ST7L: variants seen among roughly 807,000 people sequenced by gnomAD.
The protein encoded by ST7L is suppression of tumorigenicity 7 like, also known as suppressor of tumorigenicity 7 protein-like.
Under a neutral mutation model 72.5 loss-of-function variants are expected in ST7L, and 57 were observed. The observed-to-expected ratio is 0.79, with a 90% CI of 0.64 to 0.98. The LOEUF is 0.98. Ranked by LOEUF, ST7L falls within the 50% of genes least tolerant of loss-of-function variation. The pLI is 0.00. For missense variants in ST7L, 576 were observed against 672.2 expected, an observed-to-expected ratio of 0.86 and a Z score of 1.58; for synonymous variants, 221 against 240.9, an observed-to-expected ratio of 0.92 and a Z score of 0.77.
At chr1:112,587,466 G>A (rs1665033354) in intron 6 of ST7L, among the ~76,000 whole-genome samples, 1 of 152,170 alleles carries the variant, frequency 6.6e-6, no homozygotes, top group African/African-American at 2.4e-5. Flanking sequence ...AGCCGGGTAT[G>A]GTGGCACGTG....
rs1211284071 is a variant in ST7L at position 112,524,257 on chromosome 1, T to G, written c.*1756A>C. 4 of 152,556 alleles carry G rather than the reference T, an allele frequency of 2.6e-5. No individual in the cohort carries two copies. The highest frequency in any genetic ancestry group is 4.4e-5 in the Non-Finnish European group (3 of 68,024). The allele number at this position is 152,556 out of a possible 1,614,324, so 9.5% of individuals were successfully genotyped here. ...ACAGAAGAGAGATAATTAGGATTTT[T>G]TTTTCCTCAGTCTTTCTGAGGTTTT... is the stretch of plus-strand genomic sequence containing the variant. On this transcript the variant is annotated 3_prime_UTR_variant, in exon 15 of 15. Coordinates refer to ENST00000358039, the MANE Select transcript of ST7L (RefSeq NM_017744.5).
chr1:112,565,401 C>A (rs116313297), intron 11 of ST7L, among the ~76,000 whole-genome samples: 3,042 of 151,888 alleles, frequency 0.02, 105 homozygotes, highest in African/African-American at 0.069. Flanking sequence ...CTACAGATAG[C>A]GAATTTCTAA....
chr1:112,595,017 A>C (rs1271657393), intron 5 of ST7L, among the ~76,000 whole-genome samples: 1 of 152,180 alleles, frequency 6.6e-6, no homozygotes, highest in Non-Finnish European at 1.5e-5. Context: ...TTATATAGGA[A>C]TGCAAAACAG....
intron 11 of ST7L, among the ~76,000 whole-genome samples, 158 bp downstream of exon 11, chr1:112,576,828 T>C (rs1663172670): frequency 6.6e-6 from 1 of 152,216 alleles, no homozygotes; most frequent in Admixed American, 6.5e-5. Flanking sequence ...AATGCCTAAA[T>C]GTTTCAACGT....
At position 112,586,841 on chromosome 1, in the gene ST7L, G is replaced by A. The variant is rs1219551763; in HGVS notation, c.702-2715C>T. Among the ~76,000 whole-genome samples the A allele has an allele frequency of 2.0e-5, 3 of 152,114 alleles. No homozygotes were observed. The East Asian group carries it at 5.8e-4, about 29-fold the overall frequency. On this transcript the variant is annotated intron_variant, in intron 6 of 14. Coordinates refer to ENST00000358039, the MANE Select transcript of ST7L (RefSeq NM_017744.5). ...TTCAATAATTTTTAATATATTCACA[G>A]AGTTGTGCAACCATCGCCACAATGT... is the stretch of plus-strand genomic sequence containing the variant.
chr1:112,562,214 C>A (rs1339669386), intron 11 of ST7L, among the ~76,000 whole-genome samples: 1 of 151,932 alleles, frequency 6.6e-6, no homozygotes, highest in Non-Finnish European at 1.5e-5. Flanking sequence ...GTGATCCTCT[C>A]ACCTTGGCCT....
chr1:112,598,147 C>T (rs1334988384), intron 4 of ST7L, 61 bp from the exon 5 acceptor site: 4 of 1,195,194 alleles, frequency 3.3e-6, no homozygotes, highest in Non-Finnish European at 4.8e-6. Flanking sequence ...TCTGCTATAA[C>T]AGACACTACT....
chr1:112,520,499 A>G (rs1570804350), downstream of ST7L: 1 of 1,613,970 alleles, frequency 6.2e-7, no homozygotes, highest in Non-Finnish European at 8.5e-7. Flanking sequence ...GAGTGGCTGG[A>G]CCAAACCTGA....
At chr1:112,526,315 T>C in intron 14 of ST7L, 2 of 517,548 alleles carry the variant, frequency 3.9e-6, no homozygotes, top group Non-Finnish European at 6.5e-6. Context: ...TAAACAACTC[T>C]GGCTCCTAAT....
chr1:112,542,609 G>A (rs1656304196), intron 13 of ST7L, among the ~76,000 whole-genome samples: 1 of 151,964 alleles, frequency 6.6e-6, no homozygotes, highest in Admixed American at 6.6e-5. Flanking sequence ...TTAAAAATTA[G>A]CCCAGCATGG....
intron 3 of ST7L, among the ~76,000 whole-genome samples, chr1:112,605,657 T>C (rs1668127333): frequency 6.6e-6 from 1 of 151,830 alleles, no homozygotes; most frequent in Non-Finnish European, 1.5e-5. Flanking sequence ...GCCACTGCAC[T>C]CCAGCCTGGG....
chr1:112,542,511 G>A (rs182211103), intron 13 of ST7L, among the ~76,000 whole-genome samples: 28 of 152,236 alleles, frequency 1.8e-4, no homozygotes, highest in South Asian at 8.3e-4. Flanking sequence ...TAATCCCAGC[G>A]CTTTGGGGGG....
At chr1:112,573,441 C>T (rs979232636) in intron 11 of ST7L, among the ~76,000 whole-genome samples, 4 of 150,802 alleles carry the variant, frequency 2.7e-5, no homozygotes, top group Admixed American at 2.0e-4. Flanking sequence ...TTATGAATAC[C>T]TTATGTCAAT....
intron 11 of ST7L, among the ~76,000 whole-genome samples, chr1:112,562,924 T>C (rs1459118930): frequency 3.3e-5 from 5 of 152,130 alleles, no homozygotes; most frequent in Non-Finnish European, 5.9e-5. Context: ...AGATTCTTTC[T>C]ATGTCTATCT....
chr1:112,519,872 C>CTTCTTTTTTTTT (rs10634267), downstream of ST7L, among the ~76,000 whole-genome samples: 55 of 115,624 alleles, frequency 4.8e-4, 2 homozygotes, highest in East Asian at 1.1e-3. Context: ...GCCCATGCTT[C>CTTCTTTTTTTTT]TTTTTTTTTT....
intron 2 of ST7L, among the ~76,000 whole-genome samples, chr1:112,612,373 T>TG (rs1558061751): frequency 6.6e-6 from 1 of 152,186 alleles, no homozygotes; most frequent in South Asian, 2.1e-4. Context: ...GCTAGGATTA[T>TG]GGGTGTAAGC....
At chr1:112,550,247 G>A (rs1416537651) in intron 13 of ST7L, among the ~76,000 whole-genome samples, 1 of 152,024 alleles carries the variant, frequency 6.6e-6, no homozygotes, top group Admixed American at 6.6e-5. Context: ...TCATATCTTT[G>A]GTTTGGTATC....
intron 10 of ST7L, 61 bp from the exon 11 acceptor site, chr1:112,577,149 T>G: frequency 8.4e-7 from 1 of 1,188,812 alleles, no homozygotes; most frequent in Non-Finnish European, 1.2e-6. Context: ...AAAGTATGAA[T>G]TTAGATAATA....
chr1:112,608,623 T>C (rs1415963509), intron 3 of ST7L, among the ~76,000 whole-genome samples: 2 of 152,194 alleles, frequency 1.3e-5, no homozygotes, highest in South Asian at 2.1e-4. Flanking sequence ...TCATGTGCTA[T>C]TGTTATAATT....
Sources: allele counts gnomAD v4.1 joint callset (sites outside exome capture counted in the v4.1 genomes callset), GRCh38; gene constraint gnomAD v4.1.1; transcripts MANE v1.5; gene names NCBI Gene and HGNC (gene_info 2026-07-23, HGNC 2026-07-21).